The following S100Z variants were observed in gnomAD, a reference collection of about 807,000 sequenced individuals.
S100Z encodes the protein S100 calcium binding protein Z, also known as protein S100-Z.
S100Z carries 11 observed loss-of-function variants against 8.5 expected under a neutral mutation model. The ratio of observed to expected loss-of-function variants is 1.30; its 90% CI spans 0.82 to 2.15. S100Z has a LOEUF of 2.15. S100Z is among the 30% of genes most tolerant of loss of function. The pLI is 0.00. For synonymous variants in S100Z, 34 were observed against 43.8 expected (o/e 0.78, Z 0.89); for missense variants, 126 against 117.9 (o/e 1.07, Z -0.32).
intron 4 of S100Z, among the ~76,000 whole-genome samples, chr5:76,901,781 G>A (rs909185638): frequency 2.0e-5 from 3 of 152,110 alleles, no homozygotes; most frequent in Non-Finnish European, 4.4e-5. Flanking sequence ...CAGAAGGAAC[G>A]TTGCTCCATA....
chr5:76,952,342 T>A, the S100Z span, among the ~76,000 whole-genome samples: 1 of 152,346 alleles, frequency 6.6e-6, no homozygotes, highest in East Asian at 1.9e-4. Context: ...TCTAGGAGTG[T>A]GTACATCATG....
At chr5:76,866,065 T>G (rs114005266) in intron 1 of S100Z, among the ~76,000 whole-genome samples, 2,913 of 151,694 alleles carry the variant, frequency 0.019, 100 homozygotes, top group African/African-American at 0.067. Flanking sequence ...TTAACTTATT[T>G]TGAAGAAAGA....
At chr5:76,902,154 G>C (rs1744251619) in intron 4 of S100Z, among the ~76,000 whole-genome samples, 1 of 152,020 alleles carries the variant, frequency 6.6e-6, no homozygotes, top group Non-Finnish European at 1.5e-5. Context: ...CTCTTTTGGA[G>C]CCTCCAGCTG....
the S100Z span, among the ~76,000 whole-genome samples, chr5:76,945,360 C>T: frequency 1.3e-5 from 2 of 152,144 alleles, no homozygotes; most frequent in African/African-American, 4.8e-5. Flanking sequence ...TCCCCCAGCC[C>T]GACACCCATG....
intron 4 of S100Z, among the ~76,000 whole-genome samples, chr5:76,883,317 G>C (rs1396669308): frequency 2.0e-5 from 3 of 152,158 alleles, no homozygotes; most frequent in Non-Finnish European, 4.4e-5. Flanking sequence ...TTGTAGCCTA[G>C]GAATAGTCAG....
At chr5:76,949,096 A>T in the S100Z span, among the ~76,000 whole-genome samples, 1 of 152,204 alleles carries the variant, frequency 6.6e-6, no homozygotes, top group Non-Finnish European at 1.5e-5. Flanking sequence ...AAGTTAAAAT[A>T]AAAGTTTTTA....
chr5:76,879,302 C>A (rs1429279658), intron 4 of S100Z, among the ~76,000 whole-genome samples: 1 of 152,126 alleles, frequency 6.6e-6, no homozygotes, highest in African/African-American at 2.4e-5. Context: ...CATGGAGGAG[C>A]CTCTGCACAG....
chr5:76,894,982 C>T (rs528953091), intron 4 of S100Z, among the ~76,000 whole-genome samples: 13 of 151,886 alleles, frequency 8.6e-5, no homozygotes, highest in Admixed American at 3.9e-4. Context: ...TAGAGAATTC[C>T]CTGAAGTCTA....
the S100Z span, among the ~76,000 whole-genome samples, chr5:76,930,685 G>A: frequency 2.6e-5 from 4 of 152,122 alleles, no homozygotes; most frequent in African/African-American, 7.2e-5. Flanking sequence ...TTACTTTTAG[G>A]TCATAATTCT....
chr5:76,862,128 T>C lies in S100Z; in HGVS notation c.-175-8038T>C, dbSNP rs536955164. 1.6e-4 allele frequency among the ~76,000 whole-genome samples: 20 copies of C among 128,306 alleles called. No individual in the cohort carries two copies. The East Asian group carries it at 3.4e-3, about 22-fold the overall frequency. 84.2% of individuals were successfully genotyped at this position (128,306 alleles called of 152,430 possible). ...CTCATGCTGGCAGGGATAAGGAGTG[T>C]GCGTGTGTGTGTGTGTGTGTGTGTG... On this transcript the variant is annotated intron_variant, in intron 1 of 4. Coordinates refer to ENST00000317593, the MANE Select transcript of S100Z (RefSeq NM_130772.4).
intron 1 of S100Z, among the ~76,000 whole-genome samples, chr5:76,853,341 A>G (rs1037516339): frequency 6.6e-6 from 1 of 152,232 alleles, no homozygotes; most frequent in Non-Finnish European, 1.5e-5. Context: ...GAAGAAAGAT[A>G]GATCTTGGGC....
the S100Z span, among the ~76,000 whole-genome samples, chr5:76,939,977 G>T: frequency 8.6e-5 from 13 of 151,876 alleles, no homozygotes; most frequent in African/African-American, 2.7e-4. Context: ...GACCAACATG[G>T]TGAAACCCAT....
the S100Z span, among the ~76,000 whole-genome samples, chr5:76,935,084 C>A: frequency 2.0e-5 from 3 of 152,084 alleles, no homozygotes; most frequent in Non-Finnish European, 4.4e-5. Context: ...TTGTCAAATG[C>A]TGCCAAAATG....
At chr5:76,857,498 ATTTT>A in intron 1 of S100Z, among the ~76,000 whole-genome samples, 1 of 125,314 alleles carries the variant, frequency 8.0e-6, no homozygotes, top group Admixed American at 8.1e-5. Context: ...TCCTGCCCCC[ATTTT>A]TTTTTTTTTT....
At chr5:76,859,125 A>G (rs1393579925) in intron 1 of S100Z, among the ~76,000 whole-genome samples, 1 of 152,138 alleles carries the variant, frequency 6.6e-6, no homozygotes, top group African/African-American at 2.4e-5. Context: ...AAATAATAAT[A>G]ATGATGATGA....
chr5:76,862,124 AGT>A (rs374825870), intron 1 of S100Z, among the ~76,000 whole-genome samples: 3 of 138,426 alleles, frequency 2.2e-5, no homozygotes, highest in Non-Finnish European at 4.7e-5. Flanking sequence ...AGGGATAAGG[AGT>A]GTGCGTGTGT....
intron 2 of S100Z, among the ~76,000 whole-genome samples, chr5:76,870,652 T>C (rs1226888097): frequency 1.3e-5 from 2 of 152,162 alleles, no homozygotes; most frequent in African/African-American, 4.8e-5. Flanking sequence ...TTTGAAAAGC[T>C]TGTGGGACAT....
At chr5:76,930,101 CAA>C in the S100Z span, among the ~76,000 whole-genome samples, 8 of 152,202 alleles carry the variant, frequency 5.3e-5, no homozygotes, top group Non-Finnish European at 1.0e-4. Context: ...TCTATTCCCA[CAA>C]AGAGTAGTTT....
intron 4 of S100Z, among the ~76,000 whole-genome samples, chr5:76,900,975 G>A (rs1744206132): frequency 1.3e-5 from 2 of 150,688 alleles, no homozygotes; most frequent in Non-Finnish European, 3.0e-5. Context: ...TTGCAGAATT[G>A]TAAAGGTACC....
Sources: allele counts gnomAD v4.1 joint callset (sites outside exome capture counted in the v4.1 genomes callset), GRCh38; gene constraint gnomAD v4.1.1; transcripts MANE v1.5; gene names NCBI Gene and HGNC (gene_info 2026-07-23, HGNC 2026-07-21).